The following MAST4 variants were observed in gnomAD, a reference collection of about 807,000 sequenced individuals.
MAST4 encodes the protein microtubule associated serine/threonine kinase family member 4.
In MAST4, 89 loss-of-function variants were observed where a neutral mutation model predicts 162.7. The ratio of observed to expected loss-of-function variants is 0.55; its 90% confidence interval spans 0.46 to 0.65. The LOEUF (loss-of-function observed/expected upper bound fraction) is 0.65. Ranked by LOEUF, MAST4 falls within the 30% of genes least tolerant of loss-of-function variation. The pLI, the probability that MAST4 is intolerant of heterozygous loss-of-function variation, is 0.00. For missense variants in MAST4, 3,153 were observed against 3,374.0 expected (o/e 0.93, Z 1.62); for synonymous variants, 1,479 against 1,361.1 (o/e 1.09, Z -1.91).
chr5:66,786,162 C>T (rs554503587), intron 2 of MAST4, among the ~76,000 whole-genome samples: 1 of 152,234 alleles, frequency 6.6e-6, no homozygotes, highest in East Asian at 1.9e-4. Context: ...AGCCACTGTA[C>T]CCAGCCTAAT....
intron 3 of MAST4, among the ~76,000 whole-genome samples, chr5:66,866,699 T>C (rs1323944002): frequency 6.6e-6 from 1 of 152,240 alleles, no homozygotes; most frequent in Non-Finnish European, 1.5e-5. Context: ...TTTATTCTTC[T>C]CTGAAAATGC....
rs1022186047 is a variant in MAST4, at chr5:67,136,678, T to C, written c.2494+14T>C. 6.4e-7 allele frequency: 1 copy of C among 1,567,266 alleles called. No individual in the cohort carries two copies. The highest frequency in any genetic ancestry group is 1.3e-5 in the African/African-American group (1 of 74,084). On this transcript the variant is annotated intron_variant, in intron 19 of 28. Coordinates refer to ENST00000403625, the MANE Select transcript of MAST4 (RefSeq NM_001164664.2). ...GGCTGGGAACAGGTTAGAGCCCATG[T>C]GTTTTAATTTTGCTAATATGCAAGA...
intron 4 of MAST4, among the ~76,000 whole-genome samples, chr5:66,930,520 T>C (rs1014348038): frequency 2.6e-5 from 4 of 152,156 alleles, no homozygotes; most frequent in Non-Finnish European, 5.9e-5. Flanking sequence ...TGTGTGTATA[T>C]GATTGTGAAT....
chr5:66,759,677 A>G (rs774608266), intron 1 of MAST4, 32 bp from the exon 2 acceptor site: 1 of 1,612,478 alleles, frequency 6.2e-7, no homozygotes, highest in East Asian at 2.2e-5. Flanking sequence ...TTGATGCCCT[A>G]GCCAGTGATG....
At chr5:67,018,470 G>A (rs74328686) in intron 4 of MAST4, among the ~76,000 whole-genome samples, 10 of 151,954 alleles carry the variant, frequency 6.6e-5, no homozygotes, top group Non-Finnish European at 8.8e-5. Flanking sequence ...AGCAATGGTC[G>A]TCCCACTGTA....
intron 1 of MAST4, among the ~76,000 whole-genome samples, chr5:66,641,744 A>C (rs80146758): frequency 1.7e-3 from 258 of 152,262 alleles, no homozygotes; most frequent in Non-Finnish European, 2.8e-3. Context: ...ATTAGCTATA[A>C]ATGTGACAGT....
intron 2 of MAST4, among the ~76,000 whole-genome samples, chr5:66,771,394 G>C (rs1161399589): frequency 6.6e-6 from 1 of 152,044 alleles, no homozygotes. Context: ...CACTGTGTTA[G>C]CCAGGATGGT....
Position 66,704,901 on chromosome 5 carries a change from G to A in MAST4, c.364-54808G>A, listed in dbSNP as rs535512994. ...GAATCTTGAGCTTGCTTCTCGGAAA[G>A]CAGTCAGGGAGAAGTTTCAGCTGTT... On this transcript the variant is annotated intron_variant, in intron 1 of 28. Coordinates refer to ENST00000403625, the MANE Select transcript of MAST4 (RefSeq NM_001164664.2). Among the ~76,000 whole-genome samples, 270 of 152,238 alleles carry A rather than the reference G, an allele frequency of 1.8e-3. 2 individuals carry two copies. The highest frequency in any genetic ancestry group is 6.2e-3 in the African/African-American group (257 of 41,532).
intron 1 of MAST4, among the ~76,000 whole-genome samples, chr5:66,676,642 C>T (rs1345553960): frequency 1.3e-5 from 2 of 152,156 alleles, no homozygotes; most frequent in African/African-American, 2.4e-5. Flanking sequence ...AACCAATCAG[C>T]GGAGCACTTG....
At chr5:67,078,673 A>T (rs1474941028) in intron 5 of MAST4, among the ~76,000 whole-genome samples, 1 of 121,044 alleles carries the variant, frequency 8.3e-6, no homozygotes, top group Admixed American at 8.6e-5. Context: ...TTATATTTAT[A>T]TTATATTTAT....
At chr5:66,852,382 C>T (rs946588110) in intron 3 of MAST4, among the ~76,000 whole-genome samples, 3 of 152,066 alleles carry the variant, frequency 2.0e-5, no homozygotes, top group South Asian at 4.1e-4. Context: ...TGGGCTCAAG[C>T]GGATCTGCTT....
At chr5:66,739,979 A>G (rs1002642157) in intron 1 of MAST4, among the ~76,000 whole-genome samples, 9 of 151,658 alleles carry the variant, frequency 5.9e-5, no homozygotes, top group African/African-American at 2.2e-4. Flanking sequence ...GTTTAGGGCT[A>G]TACCGGGGAA....
At chr5:66,856,261 G>A (rs1050342310) in intron 3 of MAST4, among the ~76,000 whole-genome samples, 2 of 152,202 alleles carry the variant, frequency 1.3e-5, no homozygotes, top group Non-Finnish European at 2.9e-5. Flanking sequence ...GTCAAAGGGT[G>A]CAGGGAGAAC....
intron 3 of MAST4, among the ~76,000 whole-genome samples, chr5:66,816,746 C>T (rs1382722594): frequency 6.6e-6 from 1 of 152,154 alleles, no homozygotes. Flanking sequence ...CCCCCAGCTC[C>T]CCATCCATCC....
chr5:66,713,816 G>T (rs1426168990), intron 1 of MAST4, among the ~76,000 whole-genome samples: 1 of 152,122 alleles, frequency 6.6e-6, no homozygotes, highest in African/African-American at 2.4e-5. Context: ...CTCAGCTTTA[G>T]ATCTGAAGAC....
intron 3 of MAST4, among the ~76,000 whole-genome samples, chr5:66,847,505 A>G (rs927740761): frequency 6.6e-6 from 1 of 152,132 alleles, no homozygotes; most frequent in Non-Finnish European, 1.5e-5. Context: ...GTGGTAGTGG[A>G]CGCCTGTAAT....
In MAST4 at chr5:67,054,353, T is replaced by C. The variant is rs369006266; in HGVS notation, c.675-51T>C. ...TGTCTACCGGGAACATGGTTGAACA[T>C]TATTGATGCTATATTCTTTTTAAAC... On this transcript the variant is annotated intron_variant, in intron 4 of 28. Coordinates refer to ENST00000403625, the MANE Select transcript of MAST4 (RefSeq NM_001164664.2). The C allele has an allele frequency of 6.1e-6, 9 of 1,466,182 alleles. No individual in the cohort carries two copies. The African/African-American group carries it at 1.3e-4, about 21-fold the overall frequency. 90.8% of individuals were successfully genotyped at this position (1,466,182 alleles called of 1,614,324 possible).
intron 4 of MAST4, among the ~76,000 whole-genome samples, chr5:67,034,823 T>TGGTTATGTCTAGCAC (rs1755806228): frequency 6.6e-6 from 1 of 152,210 alleles, no homozygotes; most frequent in Admixed American, 6.5e-5. Flanking sequence ...TTAGAGTAGC[T>TGGTTATGTCTAGCAC]GGTTATGTCT....
At chr5:67,158,620 A>G (rs775614636) in intron 26 of MAST4, among the ~76,000 whole-genome samples, 112 of 152,262 alleles carry the variant, frequency 7.4e-4, no homozygotes, top group Non-Finnish European at 1.3e-3. Context: ...AAAACTAATA[A>G]TAAAATACTA....
Sources: gnomAD v4.1 joint callset for allele counts (sites outside exome capture counted in the v4.1 genomes callset) on GRCh38, gnomAD v4.1.1 for gene constraint, MANE v1.5 for transcripts, NCBI Gene and HGNC (gene_info 2026-07-23, HGNC 2026-07-21) for gene names.